The following SRGAP2 variants were observed in gnomAD, a reference collection of about 807,000 sequenced individuals.
The protein encoded by SRGAP2 is SLIT-ROBO Rho GTPase-activating protein 2.
SRGAP2 carries 15 observed loss-of-function variants against 57.2 expected under a neutral mutation model. That is an observed-to-expected ratio of 0.26 (90% CI 0.18 to 0.40). The LOEUF (loss-of-function observed/expected upper bound fraction) is 0.40. SRGAP2 is among the 10% of genes least tolerant of loss of function. The probability of loss-of-function intolerance (pLI) is 1.00; values close to 1 mark genes in which losing one functional copy is unlikely to be tolerated. For synonymous variants in SRGAP2, 249 were observed against 248.0 expected (o/e 1.00, Z -0.04); for missense variants, 520 against 669.6 (o/e 0.78, Z 2.47).
At chr1:206,450,335 G>T in intron 18 of SRGAP2, 51 bp from the exon 19 acceptor site, 1 of 774,388 alleles carries the variant, frequency 1.3e-6, no homozygotes, top group African/African-American at 1.7e-5. Context: ...GGGAAGACAA[G>T]AATTTTATGA....
At chr1:206,409,619 T>G (rs1659007088) in intron 10 of SRGAP2, among the ~76,000 whole-genome samples, 1 of 151,758 alleles carries the variant, frequency 6.6e-6, no homozygotes. Context: ...CTGTCTCTAC[T>G]AAAAACACAA....
At chr1:206,294,795 C>T (rs1188502729) in intron 2 of SRGAP2, among the ~76,000 whole-genome samples, 1 of 151,554 alleles carries the variant, frequency 6.6e-6, no homozygotes, top group African/African-American at 2.4e-5. Flanking sequence ...TGCTTCAACT[C>T]CATTTATTAC....
At chr1:206,323,362 G>A (rs1673614174) in intron 3 of SRGAP2, among the ~76,000 whole-genome samples, 1 of 152,116 alleles carries the variant, frequency 6.6e-6, no homozygotes, top group Non-Finnish European at 1.5e-5. Context: ...GATTAAGTCA[G>A]GGCTTTAGCA....
chr1:206,444,213 A>G (rs1056763458), intron 17 of SRGAP2, among the ~76,000 whole-genome samples: 2 of 151,994 alleles, frequency 1.3e-5, no homozygotes, highest in African/African-American at 4.8e-5. Flanking sequence ...TTCAGCCCCT[A>G]AACTTAGATG....
chr1:206,328,138 C>T (rs1416674668), intron 3 of SRGAP2, among the ~76,000 whole-genome samples: 1 of 106,818 alleles, frequency 9.4e-6, no homozygotes, highest in Non-Finnish European at 1.7e-5. Flanking sequence ...GACATGAACT[C>T]ATCATTTTTT....
At chr1:206,442,866 G>T (rs1662432516) in intron 17 of SRGAP2, among the ~76,000 whole-genome samples, 1 of 152,144 alleles carries the variant, frequency 6.6e-6, no homozygotes, top group Non-Finnish European at 1.5e-5. Context: ...CTCTGCCTGG[G>T]CCCAGACCAT....
chr1:206,329,746 T>A (rs1439827221), intron 3 of SRGAP2, among the ~76,000 whole-genome samples: 1 of 145,242 alleles, frequency 6.9e-6, no homozygotes, highest in African/African-American at 2.5e-5. Flanking sequence ...TCATGTCATC[T>A]GCAAACAGGG....
intron 2 of SRGAP2, among the ~76,000 whole-genome samples, chr1:206,263,138 A>G (rs1669669570): frequency 6.8e-6 from 1 of 146,986 alleles, no homozygotes. Flanking sequence ...GCCTCTTGGT[A>G]TGATGTACTT....
At position 206,392,255 on chromosome 1, in the gene SRGAP2, C is replaced by G. The variant is rs1338544184; in HGVS notation, c.487-434C>G. ...GAAAGGTAACAGAAAGCATAGGCTA[C>G]TCCATAGGCTGCACTGCCCTCTTCG... On this transcript the variant is annotated intron_variant, in intron 5 of 22. Coordinates refer to ENST00000573034, the MANE Select transcript of SRGAP2 (RefSeq NM_015326.5). Among the ~76,000 whole-genome samples the G allele has an allele frequency of 1.7e-3, 179 of 106,330 alleles. 1 individual carries two copies. The highest frequency in any genetic ancestry group is 6.4e-3 in the African/African-American group (170 of 26,676). The allele number at this position is 106,330 out of a possible 152,430, so 69.8% of individuals were successfully genotyped here. A position where few individuals can be genotyped will look rare whatever the true frequency, so the allele number is the denominator to read the frequency against.
At chr1:206,439,034 T>C (rs782357898) in intron 16 of SRGAP2, among the ~76,000 whole-genome samples, 8 of 152,070 alleles carry the variant, frequency 5.3e-5, no homozygotes, top group Non-Finnish European at 8.8e-5. Flanking sequence ...TTCCCTTGGG[T>C]CATGTCTTTG....
intron 10 of SRGAP2, among the ~76,000 whole-genome samples, chr1:206,409,717 G>A (rs1659020722): frequency 6.6e-6 from 1 of 151,516 alleles, no homozygotes; most frequent in Non-Finnish European, 1.5e-5. Context: ...GGGAGGCATA[G>A]GTTGTAGTGA....
chr1:206,203,726 G>C (rs1176553495), intron 1 of SRGAP2, 76 bp downstream of exon 1: 1 of 1,402,632 alleles, frequency 7.1e-7, no homozygotes, highest in Non-Finnish European at 9.5e-7. Flanking sequence ...ACCGGGGCTG[G>C]GGCGGGAAGG....
At chr1:206,389,105 T>A (rs567246408) in intron 5 of SRGAP2, among the ~76,000 whole-genome samples, 1 of 150,690 alleles carries the variant, frequency 6.6e-6, no homozygotes, top group Non-Finnish European at 1.5e-5. Context: ...AATAAACCTC[T>A]CATCTAGTCT....
intron 11 of SRGAP2, among the ~76,000 whole-genome samples, chr1:206,418,414 G>A (rs902227112): frequency 1.3e-5 from 2 of 152,202 alleles, no homozygotes; most frequent in Admixed American, 6.5e-5. Context: ...CCCTCCCTCC[G>A]CCAGCCCTTG....
At chr1:206,384,400 C>T (rs1558370844) in intron 5 of SRGAP2, among the ~76,000 whole-genome samples, 1 of 151,854 alleles carries the variant, frequency 6.6e-6, no homozygotes, top group Non-Finnish European at 1.5e-5. Context: ...GGACCCTGAA[C>T]TAATGGCAAG....
chr1:206,433,235 GA>G (rs1465830470), intron 14 of SRGAP2, among the ~76,000 whole-genome samples: 1 of 152,172 alleles, frequency 6.6e-6, no homozygotes, highest in Non-Finnish European at 1.5e-5. Flanking sequence ...GGGATGGATG[GA>G]AAAAACGTGA....
At position 206,253,727 on chromosome 1, in the gene SRGAP2, G is replaced by C. The variant is rs782219461; in HGVS notation, c.67+47690G>C. 4.2e-3 allele frequency among the ~76,000 whole-genome samples: 624 copies of C among 150,222 alleles called. 1 individual carries two copies. Among genetic ancestry groups the C allele is most frequent in the Admixed American group, 6.0e-3 (90 of 15,106 alleles). On this transcript the variant is annotated intron_variant, in intron 2 of 22. Transcript: ENST00000573034. Reference sequence around the variant, plus strand: ...CTCCCGAGTAGCTGGGACTACAGGCGCCCGCCACCAGGCCCGGCTAATTTT... The same window carrying C: ...CTCCCGAGTAGCTGGGACTACAGGCCCCCGCCACCAGGCCCGGCTAATTTT...
intron 13 of SRGAP2, among the ~76,000 whole-genome samples, chr1:206,429,612 G>A (rs1483877538): frequency 6.6e-6 from 1 of 152,260 alleles, no homozygotes; most frequent in African/African-American, 2.4e-5. Context: ...AGAAGCTAGG[G>A]GAAAGAACAG....
chr1:206,440,436 C>T (rs192330566), intron 17 of SRGAP2, among the ~76,000 whole-genome samples: 17 of 152,212 alleles, frequency 1.1e-4, no homozygotes, highest in Admixed American at 1.1e-3. Flanking sequence ...CCTGAGAAGA[C>T]AGTGTACAAG....
Sources: allele counts gnomAD v4.1 joint callset (sites outside exome capture counted in the v4.1 genomes callset), GRCh38; gene constraint gnomAD v4.1.1; transcripts MANE v1.5; gene names NCBI Gene and HGNC (gene_info 2026-07-23, HGNC 2026-07-21).